The following ZMAT4 variants were observed in gnomAD, a reference collection of about 807,000 sequenced individuals.
The protein encoded by ZMAT4 is zinc finger matrin-type 4.
A neutral mutation model predicts 28.7 loss-of-function variants in ZMAT4; 17 were observed. That is an observed-to-expected ratio of 0.59 (90% CI 0.41 to 0.89). The LOEUF (loss-of-function observed/expected upper bound fraction) is 0.89, where lower values mean the gene tolerates loss of function less well. ZMAT4 is among the 40% of genes least tolerant of loss of function. The pLI is 0.00. For missense variants in ZMAT4, 240 were observed against 283.8 expected (o/e 0.85, Z 1.11); for synonymous variants, 117 against 109.2 (o/e 1.07, Z -0.44).
intron 3 of ZMAT4, among the ~76,000 whole-genome samples, chr8:40,754,881 G>A (rs1324936140): frequency 6.6e-6 from 1 of 152,106 alleles, no homozygotes; most frequent in Non-Finnish European, 1.5e-5. Flanking sequence ...AAAATTAGCT[G>A]GTTGCCGTGA....
At chr8:40,792,339 C>T (rs56341722) in intron 2 of ZMAT4, among the ~76,000 whole-genome samples, 107,857 of 150,114 alleles carry the variant, frequency 0.72, 38,991 homozygotes, top group Middle Eastern at 0.79. Flanking sequence ...ATTCCCTGAA[C>T]TGGCCACTTT....
At chr8:40,781,519 T>C (rs572897217) in intron 2 of ZMAT4, among the ~76,000 whole-genome samples, 39 of 151,820 alleles carry the variant, frequency 2.6e-4, no homozygotes, top group African/African-American at 9.4e-4. Context: ...TCCCAGCACT[T>C]TGGGAGGCCG....
chr8:40,837,100 T>C (rs1205659796), intron 1 of ZMAT4, among the ~76,000 whole-genome samples: 5 of 152,330 alleles, frequency 3.3e-5, no homozygotes, highest in Admixed American at 6.5e-5. Context: ...TTTTTTCCTT[T>C]CTCCTGGCCA....
intron 5 of ZMAT4, among the ~76,000 whole-genome samples, chr8:40,636,607 A>G (rs1806800635): frequency 6.6e-6 from 1 of 152,216 alleles, no homozygotes; most frequent in Non-Finnish European, 1.5e-5. Context: ...AGGGGCTATC[A>G]GAGGAGAGAA....
chr8:40,833,249 A>T (rs1255473732), intron 1 of ZMAT4, among the ~76,000 whole-genome samples: 5 of 152,106 alleles, frequency 3.3e-5, no homozygotes, highest in African/African-American at 4.8e-5. Flanking sequence ...GGGAAAAAAA[A>T]ACAGAAACAA....
At chr8:40,871,883 T>G (rs1193459959) in intron 1 of ZMAT4, among the ~76,000 whole-genome samples, 1 of 152,242 alleles carries the variant, frequency 6.6e-6, no homozygotes, top group Admixed American at 6.5e-5. Context: ...TGAGTTAAAA[T>G]GAGTTTCCAC....
chr8:40,541,112 G>A (rs577095109), intron 6 of ZMAT4, among the ~76,000 whole-genome samples: 7 of 152,198 alleles, frequency 4.6e-5, no homozygotes, highest in African/African-American at 1.7e-4. Flanking sequence ...ATTAATATAT[G>A]GAAGTATTAC....
chr8:40,873,614 T>C (rs557886035), intron 1 of ZMAT4, among the ~76,000 whole-genome samples: 1 of 152,194 alleles, frequency 6.6e-6, no homozygotes, highest in Non-Finnish European at 1.5e-5. Flanking sequence ...CCATCTCTGA[T>C]GACAAAGCTA....
At chr8:40,533,140 A>G (rs1043472267) in intron 6 of ZMAT4, among the ~76,000 whole-genome samples, 7 of 152,140 alleles carry the variant, frequency 4.6e-5, no homozygotes, top group Non-Finnish European at 1.0e-4. Flanking sequence ...TGAATTTTAC[A>G]TTTACTTTAC....
chr8:40,805,690 C>CA (rs1466528503), intron 2 of ZMAT4, among the ~76,000 whole-genome samples: 2 of 146,310 alleles, frequency 1.4e-5, no homozygotes, highest in South Asian at 2.2e-4. Flanking sequence ...ATCGCAAGAA[C>CA]AAAAAACCAA....
At chr8:40,646,582 A>T (rs1423609610) in intron 5 of ZMAT4, among the ~76,000 whole-genome samples, 1 of 152,112 alleles carries the variant, frequency 6.6e-6, no homozygotes, top group South Asian at 2.1e-4. Flanking sequence ...AATTGTATTT[A>T]TTGTTGTCAA....
intron 6 of ZMAT4, among the ~76,000 whole-genome samples, chr8:40,550,979 T>A (rs902456027): frequency 6.6e-6 from 1 of 152,150 alleles, no homozygotes; most frequent in Non-Finnish European, 1.5e-5. Context: ...CCACTAATAT[T>A]AGGTTTGTAC....
intron 2 of ZMAT4, among the ~76,000 whole-genome samples, chr8:40,820,663 G>T (rs373008750): frequency 1.0e-4 from 5 of 47,878 alleles, no homozygotes; most frequent in African/African-American, 3.5e-4. Context: ...GTGTGTTTAC[G>T]TGTATGTGTG....
chr8:40,701,765 A>G (rs77520659), intron 3 of ZMAT4, among the ~76,000 whole-genome samples: 6,916 of 151,842 alleles, frequency 0.046, 294 homozygotes, highest in East Asian at 0.24. Flanking sequence ...TGATCTGTCC[A>G]CCTTGGCCTC....
chr8:40,700,409 T>G (rs1810088981), intron 3 of ZMAT4, among the ~76,000 whole-genome samples: 1 of 117,350 alleles, frequency 8.5e-6, no homozygotes, highest in Non-Finnish European at 1.8e-5. Flanking sequence ...GCTGCTGCTT[T>G]TCTTTTTTTT....
chr8:40,600,911 A>C (rs2118612364), intron 5 of ZMAT4, among the ~76,000 whole-genome samples: 1 of 152,262 alleles, frequency 6.6e-6, no homozygotes, highest in South Asian at 2.1e-4. Context: ...TTGTCCCTCT[A>C]GCCCAATGGG....
intron 5 of ZMAT4, among the ~76,000 whole-genome samples, chr8:40,669,662 G>A (rs2118885319): frequency 6.6e-6 from 1 of 152,252 alleles, no homozygotes; most frequent in African/African-American, 2.4e-5. Context: ...TATAAAGTAT[G>A]TATAACCCAC....
chr8:40,575,192 C>T lies in ZMAT4; in HGVS notation c.674+5973G>A, dbSNP rs746666655. Among the ~76,000 whole-genome samples the T allele has an allele frequency of 2.1e-4, 32 of 152,106 alleles. 1 individual carries two copies. The highest frequency in any genetic ancestry group is 1.3e-4 in the Admixed American group (2 of 15,274). ...TGTCCAAGCCAAACAGCTCAGCAAACCTGCCCCCAGATAGTCTTCCCTAGC... is the reference window on the plus strand; with the variant it reads ...TGTCCAAGCCAAACAGCTCAGCAAATCTGCCCCCAGATAGTCTTCCCTAGC... On this transcript the variant is annotated intron_variant, in intron 6 of 6. Transcript: ENST00000297737.
intron 3 of ZMAT4, among the ~76,000 whole-genome samples, chr8:40,761,805 C>G (rs1290379584): frequency 6.6e-6 from 1 of 152,228 alleles, no homozygotes; most frequent in Non-Finnish European, 1.5e-5. Context: ...TTGACACACA[C>G]TTTACAATTT....
Sources: gnomAD v4.1 joint callset for allele counts (sites outside exome capture counted in the v4.1 genomes callset) on GRCh38, gnomAD v4.1.1 for gene constraint, MANE v1.5 for transcripts, NCBI Gene and HGNC (gene_info 2026-07-23, HGNC 2026-07-21) for gene names.